Variants in KIF13B observed in about 807,000 individuals in gnomAD.
KIF13B encodes the protein kinesin-like protein KIF13B.
A neutral mutation model predicts 222.0 loss-of-function variants in KIF13B; 127 were observed. That is an observed-to-expected ratio of 0.57 (90% CI 0.50 to 0.66). The LOEUF (loss-of-function observed/expected upper bound fraction) is 0.66, where lower values mean the gene tolerates loss of function less well. Among genes scored for constraint, KIF13B ranks in the 30% least tolerant of loss-of-function variants. KIF13B has a pLI of 0.00. For missense variants in KIF13B, 2,173 were observed against 2,379.0 expected, an observed-to-expected ratio of 0.91 and a Z score of 1.80; for synonymous variants, 976 against 919.0, an observed-to-expected ratio of 1.06 and a Z score of -1.12.
intron 2 of KIF13B, among the ~76,000 whole-genome samples, chr8:29,223,331 CAA>C (rs369280304): frequency 9.6e-6 from 1 of 103,670 alleles, no homozygotes; most frequent in Non-Finnish European, 1.9e-5. Context: ...GACCCTGTCT[CAA>C]AAAAAAAAAA....
At chr8:29,232,344 G>A (rs575616752) in intron 2 of KIF13B, among the ~76,000 whole-genome samples, 60 of 148,222 alleles carry the variant, frequency 4.0e-4, no homozygotes, top group Non-Finnish European at 6.0e-4. Flanking sequence ...AACCAAGATG[G>A]GAGGATCACT....
At chr8:29,099,917 C>G (rs960387887) in intron 35 of KIF13B, among the ~76,000 whole-genome samples, 2 of 152,086 alleles carry the variant, frequency 1.3e-5, no homozygotes, top group Non-Finnish European at 2.9e-5. Context: ...CTCAAGATAC[C>G]CTTTTTCACT....
intron 2 of KIF13B, among the ~76,000 whole-genome samples, chr8:29,231,697 G>A (rs1815291748): frequency 6.6e-6 from 1 of 151,988 alleles, no homozygotes; most frequent in Admixed American, 6.6e-5. Context: ...TCTTATGACA[G>A]TTTGCATTTC....
intron 2 of KIF13B, among the ~76,000 whole-genome samples, chr8:29,206,667 C>T (rs1813957290): frequency 2.0e-5 from 3 of 152,194 alleles, no homozygotes; most frequent in African/African-American, 7.2e-5. Flanking sequence ...TTACAGTCTG[C>T]CGTGCCAAGC....
intron 2 of KIF13B, among the ~76,000 whole-genome samples, chr8:29,227,989 G>A (rs893747930): frequency 2.0e-5 from 3 of 151,036 alleles, no homozygotes; most frequent in East Asian, 1.9e-4. Context: ...TGTGTTTAGC[G>A]CCTTCAGCTA....
At chr8:29,240,988 C>A (rs1393157556) in intron 2 of KIF13B, among the ~76,000 whole-genome samples, 2 of 152,124 alleles carry the variant, frequency 1.3e-5, no homozygotes, top group Non-Finnish European at 2.9e-5. Context: ...TGAAAACGGA[C>A]GTCCACACAA....
At chr8:29,129,658 A>G (rs926684151) in intron 24 of KIF13B, among the ~76,000 whole-genome samples, 2 of 150,442 alleles carry the variant, frequency 1.3e-5, no homozygotes, top group Non-Finnish European at 3.0e-5. Flanking sequence ...AAAAAAAAAA[A>G]TTCCAAATCC....
chr8:29,096,223 T>TC (rs939777511), intron 36 of KIF13B, among the ~76,000 whole-genome samples: 1 of 150,222 alleles, frequency 6.7e-6, no homozygotes, highest in Non-Finnish European at 1.5e-5. Flanking sequence ...CCTCAGGTGA[T>TC]CCCCCCTGCC....
chr8:29,259,999 T>C (rs1190412039), intron 1 of KIF13B, among the ~76,000 whole-genome samples: 2 of 152,242 alleles, frequency 1.3e-5, no homozygotes, highest in Admixed American at 6.5e-5. Flanking sequence ...GAAGAAAGTA[T>C]GTGAACTTTT....
intron 2 of KIF13B, among the ~76,000 whole-genome samples, chr8:29,238,904 G>A (rs1402772213): frequency 6.6e-6 from 1 of 152,164 alleles, no homozygotes; most frequent in Non-Finnish European, 1.5e-5. Context: ...CAGGCATGGT[G>A]GTACATGCCT....
chr8:29,255,523 A>G (rs1816441642), intron 1 of KIF13B, among the ~76,000 whole-genome samples: 2 of 152,092 alleles, frequency 1.3e-5, no homozygotes, highest in African/African-American at 4.8e-5. Context: ...AAAAACTTCT[A>G]TCTATTGGCT....
chr8:29,138,645 A>G (rs893106235), intron 21 of KIF13B: 1 of 152,226 alleles, frequency 6.6e-6, no homozygotes, highest in Non-Finnish European at 1.5e-5. Context: ...TCCCCCAGGT[A>G]ACACCTGTAT....
chr8:29,154,754 T>TG (rs1197175420), intron 14 of KIF13B, among the ~76,000 whole-genome samples: 1 of 152,154 alleles, frequency 6.6e-6, no homozygotes, highest in African/African-American at 2.4e-5. Flanking sequence ...TGCCTGAGGC[T>TG]GGGGTTCTGT....
At chr8:29,188,489 T>C in intron 5 of KIF13B, 26 bp downstream of exon 5, 4 of 1,335,354 alleles carry the variant, frequency 3.0e-6, no homozygotes, top group South Asian at 1.2e-5. Flanking sequence ...TGGTTGTTTA[T>C]GTGATTTCAT....
chr8:29,160,753 G>A lies in KIF13B; in HGVS notation c.1384C>T (p.Leu462Phe). Residue 462 changes from leucine to phenylalanine, a missense_variant, in exon 13 of 40, where the codon CTT (leucine) becomes TTT (phenylalanine). Physicochemically the swap from Leu to Phe is conservative, Grantham distance 22. This residue lies in a region of KIF13B where 1,480 missense variants were observed against 1,722.8 expected (regional missense o/e 0.86). Coordinates refer to ENST00000524189, the MANE Select transcript of KIF13B (RefSeq NM_015254.4). ...TTCACCTTTAAATAGTACACCAGAA[G>A]CTCATTCAGAGCTGGGTCAGCATTC... Reference protein sequence around the residue: ...NLNADPALNELLVYYLKEHTL... With the variant: ...NLNADPALNEFLVYYLKEHTL... 6.2e-7 allele frequency: 1 copy of A among 1,613,498 alleles called. No homozygotes were observed. Among genetic ancestry groups the A allele is most frequent in the Non-Finnish European group, 8.5e-7 (1 of 1,179,626 alleles).
intron 14 of KIF13B, among the ~76,000 whole-genome samples, chr8:29,155,356 A>T (rs899580749): frequency 2.0e-5 from 3 of 152,208 alleles, no homozygotes; most frequent in African/African-American, 7.2e-5. Flanking sequence ...ACCCAACAGG[A>T]GTTAGCAGGT....
intron 29 of KIF13B, 143 bp from the exon 30 acceptor site, chr8:29,119,135 T>A: frequency 1.2e-6 from 1 of 835,162 alleles, no homozygotes; most frequent in Non-Finnish European, 1.8e-6. Flanking sequence ...ACACTGAAGA[T>A]GACCACTTAA....
chr8:29,218,464 C>T (rs1044403694), intron 2 of KIF13B, among the ~76,000 whole-genome samples: 2 of 152,114 alleles, frequency 1.3e-5, no homozygotes, highest in African/African-American at 4.8e-5. Flanking sequence ...AAACCATGAG[C>T]TAAAAATTAA....
chr8:29,167,255 A>C (rs1812043680), intron 11 of KIF13B, 118 bp downstream of exon 11: 1 of 740,608 alleles, frequency 1.4e-6, no homozygotes, highest in Admixed American at 2.6e-5. Context: ...TCTTGCTGTA[A>C]GAAATTCGCA....
Sources: allele counts gnomAD v4.1 joint callset (sites outside exome capture counted in the v4.1 genomes callset), GRCh38; gene constraint gnomAD v4.1.1; regional missense constraint gnomAD v4.1.1; transcripts MANE v1.5; gene names NCBI Gene and HGNC (gene_info 2026-07-23, HGNC 2026-07-21).